TTC21A: variants seen among roughly 807,000 people sequenced by gnomAD.
TTC21A encodes tetratricopeptide repeat domain 21A.
A neutral mutation model predicts 156.4 loss-of-function variants in TTC21A; 128 were observed. The observed-to-expected ratio is 0.82, with a 90% CI of 0.71 to 0.95. TTC21A has a LOEUF of 0.95. Among genes scored for constraint, TTC21A ranks in the 40% least tolerant of loss-of-function variants. The pLI is 0.00. For missense variants in TTC21A, 1,435 were observed against 1,602.3 expected, an observed-to-expected ratio of 0.90 and a Z score of 1.78; for synonymous variants, 587 against 617.1, an observed-to-expected ratio of 0.95 and a Z score of 0.72.
chr3:39,109,372 G>A (rs1277750409), intron 2 of TTC21A, among the ~76,000 whole-genome samples, 158 bp downstream of exon 2: 4 of 152,146 alleles, frequency 2.6e-5, no homozygotes, highest in Admixed American at 1.3e-4. Context: ...AGAGGCCTAC[G>A]TAATCCATAT....
intron 19 of TTC21A, chr3:39,132,747 C>G (rs2038827478): frequency 2.3e-6 from 1 of 441,256 alleles, no homozygotes; most frequent in South Asian, 2.4e-5. Context: ...TAGTTCTAGC[C>G]TGTAGTGCAG....
intron 4 of TTC21A, among the ~76,000 whole-genome samples, chr3:39,111,717 G>T (rs572323886): frequency 6.6e-6 from 1 of 152,274 alleles, no homozygotes; most frequent in South Asian, 2.1e-4. Flanking sequence ...CACAGATACG[G>T]TATATCTGAG....
intron 12 of TTC21A, 83 bp from the exon 13 acceptor site, chr3:39,128,248 T>A: frequency 6.9e-7 from 1 of 1,449,714 alleles, no homozygotes; most frequent in Non-Finnish European, 9.5e-7. Flanking sequence ...GAACAGGACA[T>A]GTAAAATTCA....
At chr3:39,116,800 A>C (rs1398033720) in intron 6 of TTC21A, among the ~76,000 whole-genome samples, 1 of 152,116 alleles carries the variant, frequency 6.6e-6, no homozygotes, top group Non-Finnish European at 1.5e-5. Context: ...TTTATTTCCT[A>C]CCAACTGCTT....
chr3:39,111,873 C>T (rs1391466944), intron 4 of TTC21A, among the ~76,000 whole-genome samples: 1 of 152,174 alleles, frequency 6.6e-6, no homozygotes, highest in Non-Finnish European at 1.5e-5. Flanking sequence ...TAGGGCAGGG[C>T]TCTTCCAAGT....
Position 39,130,831 on chromosome 3 carries a change from A to G in TTC21A, c.2450A>G (p.His817Arg), listed in dbSNP as rs751975527. 4.3e-6 allele frequency: 7 copies of G among 1,614,226 alleles called. No homozygotes were observed. In the South Asian group the frequency reaches 6.6e-5, roughly 15 times the overall value. Residue 817 changes from histidine to arginine, a missense_variant, in exon 18 of 29, where the codon CAT becomes CGT. By Grantham distance (29) the His-to-Arg change is conservative. Coordinates refer to ENST00000683103, the MANE Select transcript of TTC21A (RefSeq NM_001366900.1). The surrounding 1 kb of genome is among the most constrained non-coding windows in gnomAD (Gnocchi z 4.5). The part of the protein sequence containing the change: ...AEKVLKQALE[H>R]DIVQDIPSMM... ...AAAGTTTTGAAGCAGGCACTGGAACATGACATTGGTGAGGCAGCATTGTAA... is the reference window on the plus strand; with the variant it reads ...AAAGTTTTGAAGCAGGCACTGGAACGTGACATTGGTGAGGCAGCATTGTAA...
At chr3:39,125,246 A>G in intron 10 of TTC21A, 86 bp downstream of exon 10, 1 of 1,540,724 alleles carries the variant, frequency 6.5e-7, no homozygotes, top group South Asian at 1.1e-5. Flanking sequence ...AAAGCATGCA[A>G]GGTGGTCTGG....
rs1264161539 is a variant in TTC21A, at chr3:39,136,993, A to T, written c.3190A>T (p.Ile1064Phe). ...GQSAIYHMVQICLNPDNEVVG... is the reference protein window; with the variant it reads ...GQSAIYHMVQFCLNPDNEVVG... Reference sequence around the variant, plus strand: ...GAGCGCCATCTACCACATGGTGCAGATCTGTCTGAATCCAGACAACGAGGT... The same window carrying T: ...GAGCGCCATCTACCACATGGTGCAGTTCTGTCTGAATCCAGACAACGAGGT... The change falls in exon 24 of 29, where the codon ATC becomes TTC. Residue 1064 changes from isoleucine to phenylalanine, a missense_variant. Coordinates refer to ENST00000683103, the MANE Select transcript of TTC21A (RefSeq NM_001366900.1). The T allele has an allele frequency of 6.2e-7, 1 of 1,614,124 alleles. No homozygotes were observed. Among genetic ancestry groups the T allele is most frequent in the Non-Finnish European group, 8.5e-7 (1 of 1,180,022 alleles).
At chr3:39,126,792 T>C (rs811971) in intron 12 of TTC21A, among the ~76,000 whole-genome samples, 94,846 of 152,068 alleles carry the variant, frequency 0.62, 31,936 homozygotes, top group South Asian at 0.76. Context: ...ACTCATTTGA[T>C]CTGTGCTGGT....
At chr3:39,117,622 T>C (rs2037403901) in intron 6 of TTC21A, among the ~76,000 whole-genome samples, 1 of 152,234 alleles carries the variant, frequency 6.6e-6, no homozygotes, top group Non-Finnish European at 1.5e-5. Context: ...ACAACTTAAA[T>C]AACATAAAAG....
chr3:39,118,201 G>C, intron 7 of TTC21A, 48 bp downstream of exon 7: 6 of 1,584,280 alleles, frequency 3.8e-6, no homozygotes, highest in Non-Finnish European at 5.2e-6. Flanking sequence ...CAGAATCAAG[G>C]AGGAACCCTT....
chr3:39,138,710 G>A lies in TTC21A; in HGVS notation c.3865-1G>A. 1 of 1,614,118 alleles carries A rather than the reference G, an allele frequency of 6.2e-7. No homozygotes were observed. ...GCACACCCATTCTCTCTCTGTTCCA[G>A]GTCCTCAGGGAGCACCCCGACTACC... On this transcript the variant is annotated splice_acceptor_variant, in intron 28 of 28. Coordinates refer to ENST00000683103, the MANE Select transcript of TTC21A (RefSeq NM_001366900.1). LOFTEE classifies it high-confidence loss of function.
At chr3:39,135,289 C>T (rs766233136) in intron 22 of TTC21A, 115 bp downstream of exon 22, 28 of 891,824 alleles carry the variant, frequency 3.1e-5, no homozygotes, top group Non-Finnish European at 5.1e-5. Flanking sequence ...GCCCCTTCCT[C>T]CCTGATTGTT....
chr3:39,116,760 A>G (rs546344431), intron 6 of TTC21A, among the ~76,000 whole-genome samples: 2 of 152,292 alleles, frequency 1.3e-5, no homozygotes, highest in South Asian at 4.1e-4. Context: ...ATGAGCCACC[A>G]TACTCAGCCT....
At position 39,121,199 on chromosome 3, in the gene TTC21A, G is replaced by C. The variant is rs770247738; in HGVS notation, c.1093+10G>C. On this transcript the variant is annotated intron_variant, in intron 9 of 28. Coordinates refer to ENST00000683103, the MANE Select transcript of TTC21A (RefSeq NM_001366900.1). ...ATGGCTGGTTTGACAGGTATATGCA[G>C]GTGTGGCAGGGCTCAGGGATGGGTG... 16 of 1,605,152 alleles carry C rather than the reference G, an allele frequency of 1.0e-5. No individual in the cohort carries two copies. The East Asian group carries it at 2.7e-4, about 27-fold the overall frequency.
At chr3:39,112,727 A>G (rs937876968) in intron 5 of TTC21A, 147 bp downstream of exon 5, 6 of 1,274,530 alleles carry the variant, frequency 4.7e-6, no homozygotes, top group South Asian at 1.5e-5. Context: ...AGGTTCAGCA[A>G]CCAATCCAGG....
At position 39,138,827 on chromosome 3, in the gene TTC21A, C is replaced by T; in HGVS notation, c.*39C>T. The T allele has an allele frequency of 1.3e-6, 2 of 1,572,640 alleles. No individual in the cohort carries two copies. The highest frequency in any genetic ancestry group is 1.3e-5 in the African/African-American group (1 of 74,118). ...GCCTGGACCAGTAGAAGCCATCAAC[C>T]TACTGAAGTTGTGTGGAGGGATGGA... On this transcript the variant is annotated 3_prime_UTR_variant, in exon 29 of 29. Coordinates refer to ENST00000683103, the MANE Select transcript of TTC21A (RefSeq NM_001366900.1).
chr3:39,138,616 G>A lies in TTC21A; in HGVS notation c.3857G>A (p.Cys1286Tyr), dbSNP rs781757304. ...AAATTTGTGGAGGCCATTGAAATCT[G>A]CAACGATGTAAGCCAGCAGCCTTGG... The part of the protein sequence containing the change: ...DKKFVEAIEI[C>Y]NDVLREHPDY... Residue 1286 changes from cysteine (C) to tyrosine (Y), a missense_variant, in exon 28 of 29, where the codon TGC becomes TAC. Physicochemically the swap from Cys to Tyr is radical, Grantham distance 194 (BLOSUM62 -2). Transcript: ENST00000683103. 5.0e-6 allele frequency: 8 copies of A among 1,614,230 alleles called. No individual in the cohort carries two copies. The South Asian group carries it at 8.8e-5, about 18-fold the overall frequency.
intron 23 of TTC21A, 36 bp downstream of exon 23, chr3:39,136,543 T>C: frequency 6.2e-7 from 1 of 1,604,210 alleles, no homozygotes; most frequent in Non-Finnish European, 8.5e-7. Context: ...GGCAGCTGTG[T>C]GCAGGAAGCC....
Sources: allele counts gnomAD v4.1 joint callset (sites outside exome capture counted in the v4.1 genomes callset), GRCh38; gene constraint gnomAD v4.1.1; non-coding constraint Gnocchi (gnomAD v3.1); transcripts MANE v1.5; gene names NCBI Gene and HGNC (gene_info 2026-07-23, HGNC 2026-07-21).